NPTN: variants seen among roughly 807,000 people sequenced by gnomAD.
The protein encoded by NPTN is SDR-1.
A neutral mutation model predicts 42.7 loss-of-function variants in NPTN; 5 were observed. That is an observed-to-expected ratio of 0.12 (90% confidence interval 0.06 to 0.25). The LOEUF is 0.25. Ranked by LOEUF, NPTN falls within the 10% of genes least tolerant of loss-of-function variation. The pLI is 1.00. For synonymous variants in NPTN, 180 were observed against 201.9 expected (o/e 0.89, Z 0.92); for missense variants, 307 against 525.4 (o/e 0.58, Z 4.06).
chr15:73,581,469 C>T (rs1485842315), intron 4 of NPTN, among the ~76,000 whole-genome samples: 2 of 152,166 alleles, frequency 1.3e-5, no homozygotes, highest in Non-Finnish European at 2.9e-5. Flanking sequence ...TTCATTCATT[C>T]TCTGGCCTTG....
chr15:73,568,676 C>T (rs183684446), intron 6 of NPTN: 98 of 985,346 alleles, frequency 9.9e-5, no homozygotes, highest in Non-Finnish European at 1.1e-4. Flanking sequence ...CTCATGGGGA[C>T]ACTCCCAGGT....
At chr15:73,611,999 G>A (rs1468830097) in intron 1 of NPTN, among the ~76,000 whole-genome samples, 1 of 152,194 alleles carries the variant, frequency 6.6e-6, no homozygotes, top group East Asian at 1.9e-4. Flanking sequence ...ACTTGACACT[G>A]AGCATATCTG....
chr15:73,570,626 G>A lies in NPTN; in HGVS notation c.841-203C>T, dbSNP rs929817977. On this transcript the variant is annotated intron_variant, in intron 5 of 8. Coordinates refer to ENST00000345330, the MANE Select transcript of NPTN (RefSeq NM_012428.4). This position sits in a 1 kb window ranked among gnomAD's most constrained non-coding sequence, Gnocchi z 4.0. ...AGCCAGGCAAGCCTCCCTTACCATC[G>A]GTCCTCCAGACTTCCCCGACTTCCA... Among the ~76,000 whole-genome samples, 7 of 152,120 alleles carry A rather than the reference G, an allele frequency of 4.6e-5. No homozygotes were observed. Among genetic ancestry groups the A allele is most frequent in the African/African-American group, 7.2e-5 (3 of 41,406 alleles).
Position 73,633,251 on chromosome 15 carries a change from G to A in NPTN, c.-36C>T. The A allele has an allele frequency of 6.9e-7, 1 of 1,442,762 alleles. No homozygotes were observed. Among genetic ancestry groups the A allele is most frequent in the Non-Finnish European group, 9.2e-7 (1 of 1,082,990 alleles). 89.4% of individuals were successfully genotyped at this position (1,442,762 alleles called of 1,614,324 possible). A position where few individuals can be genotyped will look rare whatever the true frequency, so the allele number is the denominator to read the frequency against. On this transcript the variant is annotated 5_prime_UTR_variant, in exon 1 of 9. Transcript: ENST00000345330. ...AGAAGACCCAACAGCGAATGGGCCG[G>A]GGCCAGAGCCGGGGCCGGGGAAGGG...
intron 2 of NPTN, among the ~76,000 whole-genome samples, chr15:73,592,885 A>G (rs1896660420): frequency 6.6e-6 from 1 of 152,226 alleles, no homozygotes; most frequent in African/African-American, 2.4e-5. Context: ...CCAGAATTTT[A>G]GAAAGGCCCT....
rs746152806 is a variant in NPTN, at chr15:73,562,012, A to G, written c.1137-42T>C. On this transcript the variant is annotated intron_variant, in intron 7 of 8. Coordinates refer to ENST00000345330, the MANE Select transcript of NPTN (RefSeq NM_012428.4). ...GCATTACATGAGTTAAACTCAGTCA[A>G]TAACTTTTCAAAGTATAACACATGG... 10 of 1,428,582 alleles carry G rather than the reference A, an allele frequency of 7.0e-6. No individual in the cohort carries two copies. The African/African-American group carries it at 1.0e-4, about 14-fold the overall frequency. 88.5% of individuals were successfully genotyped at this position (1,428,582 alleles called of 1,614,324 possible). A position where few individuals can be genotyped will look rare whatever the true frequency, so the allele number is the denominator to read the frequency against.
At chr15:73,561,715 G>A (rs1327401454) in intron 8 of NPTN, among the ~76,000 whole-genome samples, 181 bp downstream of exon 8, 1 of 152,140 alleles carries the variant, frequency 6.6e-6, no homozygotes, top group African/African-American at 2.4e-5. Context: ...CAACGCAGCT[G>A]AAAAATGTTC....
At chr15:73,583,381 G>GT (rs2141382939) in intron 4 of NPTN, among the ~76,000 whole-genome samples, 1 of 152,234 alleles carries the variant, frequency 6.6e-6, no homozygotes, top group Non-Finnish European at 1.5e-5. Flanking sequence ...AGTTAACTCT[G>GT]TGACACTGGG....
chr15:73,586,488 A>G (rs895088285), intron 4 of NPTN, among the ~76,000 whole-genome samples: 1 of 152,154 alleles, frequency 6.6e-6, no homozygotes, highest in Non-Finnish European at 1.5e-5. Flanking sequence ...ACATCAACTC[A>G]CAAGTTCAGG....
chr15:73,578,714 C>G (rs1395139800), intron 4 of NPTN, among the ~76,000 whole-genome samples: 1 of 152,170 alleles, frequency 6.6e-6, no homozygotes, highest in Non-Finnish European at 1.5e-5. Flanking sequence ...TGGTGGCTGG[C>G]TAGGTGCAGT....
intron 1 of NPTN, among the ~76,000 whole-genome samples, chr15:73,607,794 A>C (rs1222992986): frequency 6.6e-6 from 1 of 152,214 alleles, no homozygotes; most frequent in Non-Finnish European, 1.5e-5. Flanking sequence ...CTTAAATTTT[A>C]CCATGCAGCA....
intron 1 of NPTN, among the ~76,000 whole-genome samples, chr15:73,602,401 CCT>C (rs1282529328): frequency 1.3e-5 from 2 of 152,192 alleles, no homozygotes; most frequent in South Asian, 2.1e-4. Flanking sequence ...GCGTTTCTCT[CCT>C]CTGTCTCTCT....
chr15:73,586,888 G>T (rs548875193), intron 4 of NPTN, among the ~76,000 whole-genome samples: 2 of 152,074 alleles, frequency 1.3e-5, no homozygotes, highest in Non-Finnish European at 2.9e-5. Context: ...CACTTTTCTG[G>T]GTCTCAGATG....
rs1895276584 is a variant in NPTN, at chr15:73,570,036, C to T, written c.1114+114G>A. On this transcript the variant is annotated intron_variant, in intron 6 of 8. Coordinates refer to ENST00000345330, the MANE Select transcript of NPTN (RefSeq NM_012428.4). The surrounding 1 kb of genome is among the most constrained non-coding windows in gnomAD (Gnocchi z 4.0). ...GTTAGGAACTGGTATAAGAATTTTCCTTCTTTCCTTTAGGGATTGAATCCC... is the reference window on the plus strand; with the variant it reads ...GTTAGGAACTGGTATAAGAATTTTCTTTCTTTCCTTTAGGGATTGAATCCC... The T allele has an allele frequency of 1.5e-5, 16 of 1,041,586 alleles. No individual in the cohort carries two copies. Among genetic ancestry groups the T allele is most frequent in the Non-Finnish European group, 2.1e-5 (16 of 766,742 alleles). 64.5% of individuals were successfully genotyped at this position (1,041,586 alleles called of 1,614,324 possible).
rs542550341 is a variant in NPTN, at chr15:73,605,103, G to A, written c.92-7734C>T. ...CAGAGTAGAGACCCTGTCTCAAGGG[G>A]GGGGGGGGAAAAGAATGATCTAAAC... is the stretch of plus-strand genomic sequence containing the variant. On this transcript the variant is annotated intron_variant, in intron 1 of 8. Coordinates refer to ENST00000345330, the MANE Select transcript of NPTN (RefSeq NM_012428.4). 2.7e-5 allele frequency among the ~76,000 whole-genome samples: 4 copies of A among 146,162 alleles called. No homozygotes were observed. The South Asian group carries it at 6.4e-4, about 23-fold the overall frequency.
At chr15:73,620,208 G>A (rs1898067288) in intron 1 of NPTN, among the ~76,000 whole-genome samples, 1 of 152,230 alleles carries the variant, frequency 6.6e-6, no homozygotes, top group South Asian at 2.1e-4. Context: ...TTTAGCTCTT[G>A]TGGTAAATGA....
chr15:73,631,726 A>G (rs1302660511), intron 1 of NPTN, among the ~76,000 whole-genome samples: 1 of 152,232 alleles, frequency 6.6e-6, no homozygotes, highest in Non-Finnish European at 1.5e-5. Flanking sequence ...CTGACTTCTC[A>G]TAAATTCCTT....
At chr15:73,561,099 TCA>T (rs1007726936) in intron 8 of NPTN, 51 bp from the exon 9 acceptor site, 2 of 152,424 alleles carry the variant, frequency 1.3e-5, no homozygotes, top group African/African-American at 4.8e-5. Context: ...GCACTGTCAC[TCA>T]CAACTACACC....
At chr15:73,605,889 T>C (rs913913139) in intron 1 of NPTN, among the ~76,000 whole-genome samples, 2 of 151,956 alleles carry the variant, frequency 1.3e-5, no homozygotes, top group Non-Finnish European at 2.9e-5. Context: ...GCTCTGCCTG[T>C]ATGTTACTTA....
Sources: allele counts gnomAD v4.1 joint callset (sites outside exome capture counted in the v4.1 genomes callset), GRCh38; gene constraint gnomAD v4.1.1; non-coding constraint Gnocchi (gnomAD v3.1); transcripts MANE v1.5; gene names NCBI Gene and HGNC (gene_info 2026-07-23, HGNC 2026-07-21).